MIA2: variants seen among roughly 807,000 people sequenced by gnomAD.
The protein encoded by MIA2 is MIA SH3 domain ER export factor 2, also known as melanoma inhibitory activity protein 2.
MIA2 carries 127 observed loss-of-function variants against 167.8 expected under a neutral mutation model. The observed-to-expected ratio is 0.76, with a 90% CI of 0.66 to 0.88. The LOEUF is 0.88. MIA2 is among the 40% of genes least tolerant of loss of function. The pLI is 0.00. For synonymous variants in MIA2, 552 were observed against 541.9 expected (o/e 1.02, Z -0.26); for missense variants, 1,690 against 1,624.7 (o/e 1.04, Z -0.69).
At chr14:39,374,605 A>G (rs2075012100) in intron 23 of MIA2, among the ~76,000 whole-genome samples, 1 of 151,912 alleles carries the variant, frequency 6.6e-6, no homozygotes, top group Non-Finnish European at 1.5e-5. Flanking sequence ...TATTTTGCTT[A>G]ACCAGGGCCA....
At chr14:39,325,576 C>T (rs1343445586) in intron 24 of MIA2, among the ~76,000 whole-genome samples, 3 of 151,044 alleles carry the variant, frequency 2.0e-5, no homozygotes, top group East Asian at 3.9e-4. Context: ...ACCTTGTTAG[C>T]CAGGATGGTC....
chr14:39,365,650 CCTATCTATCTATCTATCTATCTAT>C (rs3065047), intron 23 of MIA2, among the ~76,000 whole-genome samples: 10,243 of 147,964 alleles, frequency 0.069, 972 homozygotes, highest in African/African-American at 0.21. Context: ...TTTAAAAATA[CCTATCTATCTATCTATCTATCTAT>C]CTATCTATCT....
intron 12 of MIA2, among the ~76,000 whole-genome samples, chr14:39,294,355 A>G (rs1427051164): frequency 6.6e-6 from 1 of 151,830 alleles, no homozygotes; most frequent in Non-Finnish European, 1.5e-5. Context: ...GTGCCACCAC[A>G]CCCGGCTAAG....
chr14:39,266,570 G>A, intron 6 of MIA2: 1 of 985,528 alleles, frequency 1.0e-6, no homozygotes, highest in Non-Finnish European at 1.2e-6. Flanking sequence ...CGTGGGACAG[G>A]TTAAACTCTG....
intron 6 of MIA2, among the ~76,000 whole-genome samples, chr14:39,264,155 C>T (rs540625767): frequency 2.6e-5 from 4 of 152,200 alleles, no homozygotes; most frequent in Admixed American, 6.5e-5. Flanking sequence ...TATGTCTGTA[C>T]GTACCCAAGA....
At chr14:39,278,669 T>C (rs2058504942) in intron 7 of MIA2, among the ~76,000 whole-genome samples, 1 of 152,210 alleles carries the variant, frequency 6.6e-6, no homozygotes, top group Admixed American at 6.5e-5. Context: ...ATGGTAACAT[T>C]TCTCAGGCTG....
intron 7 of MIA2, among the ~76,000 whole-genome samples, chr14:39,278,750 ATTTG>A (rs1001046317): frequency 1.3e-5 from 2 of 151,970 alleles, no homozygotes; most frequent in East Asian, 1.9e-4. Context: ...TTAGGGTCAA[ATTTG>A]TTTGGGGAGC....
intron 1 of MIA2, among the ~76,000 whole-genome samples, chr14:39,234,609 C>G (rs1187607134): frequency 6.6e-6 from 1 of 151,844 alleles, no homozygotes; most frequent in African/African-American, 2.4e-5. Flanking sequence ...ATTTGATAGG[C>G]CTTTATTTAT....
intron 9 of MIA2, among the ~76,000 whole-genome samples, chr14:39,287,727 T>G (rs776308629): frequency 1.3e-5 from 2 of 152,106 alleles, no homozygotes; most frequent in Admixed American, 1.3e-4. Context: ...CATGGCTGGC[T>G]AATTTTTTGT....
In MIA2 at chr14:39,314,796, G is replaced by T. The variant is rs2065036689; in HGVS notation, c.3177G>T (p.Gly1059=). 2.7e-6 allele frequency: 4 copies of T among 1,476,040 alleles called. No individual in the cohort carries two copies. Among genetic ancestry groups the T allele is most frequent in the Non-Finnish European group, 3.7e-6 (4 of 1,080,494 alleles). The allele number at this position is 1,476,040 out of a possible 1,614,324, so 91.4% of individuals were successfully genotyped here. A position where few individuals can be genotyped will look rare whatever the true frequency, so the allele number is the denominator to read the frequency against. ...AGAGAACTATTCATTCTTATCAAGGGCAGGTATATATATATGTGTGTGTGT... is the reference window on the plus strand; with the variant it reads ...AGAGAACTATTCATTCTTATCAAGGTCAGGTATATATATATGTGTGTGTGT... ...ELERTIHSYQ[G]QIISHEKKAH... Residue 1059 remains glycine (G), a synonymous_variant, in exon 20 of 29, where the codon GGG becomes GGT. Coordinates refer to ENST00000640607, the MANE Select transcript of MIA2 (RefSeq NM_001329214.4).
At position 39,302,146 on chromosome 14, in the gene MIA2, G is replaced by GT. The variant is rs2062622379; in HGVS notation, c.2639dup (p.Leu880PhefsTer17). ...ATGTCAAGACTCTGACTGAACGCTT[G>GT]TTAAAGATGAAAGATTGGGCTGCTA... On this transcript the variant is annotated frameshift_variant, in exon 15 of 29. Coordinates refer to ENST00000640607, the MANE Select transcript of MIA2 (RefSeq NM_001329214.4). LOFTEE classifies it high-confidence loss of function. 6.2e-7 allele frequency: 1 copy of GT among 1,613,410 alleles called. No homozygotes were observed. The highest frequency in any genetic ancestry group is 8.5e-7 in the Non-Finnish European group (1 of 1,179,628).
At chr14:39,273,581 C>G (rs1207733287) in intron 6 of MIA2, among the ~76,000 whole-genome samples, 1 of 150,670 alleles carries the variant, frequency 6.6e-6, no homozygotes, top group Admixed American at 6.7e-5. Context: ...TTTTCTGTGT[C>G]TATTGAGATG....
chr14:39,295,913 ATTGTT>A (rs2061363894), intron 13 of MIA2, among the ~76,000 whole-genome samples: 1 of 152,104 alleles, frequency 6.6e-6, no homozygotes, highest in Admixed American at 6.6e-5. Context: ...AGGGTTAATA[ATTGTT>A]TTGTTTCTTG....
At chr14:39,384,046 A>G (rs552660088) in intron 23 of MIA2, among the ~76,000 whole-genome samples, 1 of 152,352 alleles carries the variant, frequency 6.6e-6, no homozygotes, top group South Asian at 2.1e-4. Context: ...TTTTCAGTGT[A>G]GACAAAAACA....
intron 25 of MIA2, among the ~76,000 whole-genome samples, chr14:39,344,034 A>G (rs145439402): frequency 6.7e-4 from 102 of 152,298 alleles, no homozygotes; most frequent in African/African-American, 2.3e-3. Context: ...ATGTGTTTCT[A>G]TCAGAATTAG....
rs1566602045 is a variant in MIA2 at position 39,253,001 on chromosome 14, ATTAAGGAAGAAATTAGAATCAGAAG to A, written c.1786+39_1787-42del. 2.6e-6 allele frequency: 4 copies of A among 1,562,494 alleles called. No individual in the cohort carries two copies. The Admixed American group carries it at 7.4e-5, about 29-fold the overall frequency. On this transcript the variant is annotated intron_variant, in intron 5 of 28. Transcript: ENST00000640607. ...AGGTTATTTATTCTCTAATGCATCA[ATTAAGGAAGAAATTAGAATCAGAAG>A]TTATATAATATCATGCTAACATATT... is the stretch of plus-strand genomic sequence containing the variant.
chr14:39,310,488 A>C (rs1360466067), intron 18 of MIA2, among the ~76,000 whole-genome samples: 1 of 152,170 alleles, frequency 6.6e-6, no homozygotes, highest in Non-Finnish European at 1.5e-5. Flanking sequence ...ATATTAAAGA[A>C]AGTATCTTTA....
chr14:39,277,691 T>C (rs1372235033), intron 7 of MIA2, among the ~76,000 whole-genome samples: 1 of 3,752 alleles, frequency 2.7e-4, no homozygotes, highest in African/African-American at 1.9e-3. Flanking sequence ...TATATATGTG[T>C]GTATATATAT....
chr14:39,264,699 A>T (rs1364048759), intron 6 of MIA2, among the ~76,000 whole-genome samples: 1 of 152,240 alleles, frequency 6.6e-6, no homozygotes, highest in African/African-American at 2.4e-5. Flanking sequence ...ATGTGGCTCC[A>T]CAATTTTGAT....
Sources: allele counts gnomAD v4.1 joint callset (sites outside exome capture counted in the v4.1 genomes callset), GRCh38; gene constraint gnomAD v4.1.1; transcripts MANE v1.5; gene names NCBI Gene and HGNC (gene_info 2026-07-23, HGNC 2026-07-21).